STXBP5L: variants seen among roughly 807,000 people sequenced by gnomAD.
STXBP5L encodes the protein syntaxin-binding protein 5-like.
STXBP5L carries 65 observed loss-of-function variants against 144.5 expected under a neutral mutation model. The ratio of observed to expected loss-of-function variants is 0.45; its 90% confidence interval spans 0.37 to 0.55. The LOEUF (loss-of-function observed/expected upper bound fraction) is 0.55. STXBP5L is among the 20% of genes least tolerant of loss of function. STXBP5L has a pLI of 0.00. For missense variants in STXBP5L, 1,298 were observed against 1,405.5 expected (o/e 0.92, Z 1.22); for synonymous variants, 505 against 469.6 (o/e 1.08, Z -0.97).
intron 19 of STXBP5L, among the ~76,000 whole-genome samples, chr3:121,295,875 A>G (rs2051630854): frequency 6.6e-6 from 1 of 152,214 alleles, no homozygotes; most frequent in African/African-American, 2.4e-5. Flanking sequence ...TGTAGACTAT[A>G]TGGATGGAAA....
At chr3:121,046,530 T>C (rs1947527054) in intron 5 of STXBP5L, among the ~76,000 whole-genome samples, 1 of 152,122 alleles carries the variant, frequency 6.6e-6, no homozygotes, top group Non-Finnish European at 1.5e-5. Flanking sequence ...ACTGATTTAA[T>C]TTTGGAACTC....
intron 2 of STXBP5L, among the ~76,000 whole-genome samples, chr3:120,938,841 C>A (rs978455248): frequency 2.0e-5 from 3 of 151,984 alleles, no homozygotes; most frequent in African/African-American, 4.8e-5. Flanking sequence ...AGTGCAATGG[C>A]AAAATCATAG....
intron 18 of STXBP5L, among the ~76,000 whole-genome samples, chr3:121,269,140 A>G (rs1283445510): frequency 6.6e-6 from 1 of 152,050 alleles, no homozygotes; most frequent in Non-Finnish European, 1.5e-5. Context: ...TTAAGGGGGG[A>G]AAAAAGCATA....
At chr3:121,352,225 T>G (rs995321967) in intron 20 of STXBP5L, among the ~76,000 whole-genome samples, 1 of 152,116 alleles carries the variant, frequency 6.6e-6, no homozygotes, top group African/African-American at 2.4e-5. Flanking sequence ...GTGAAGAAAG[T>G]CATTGGTAGC....
At chr3:121,293,547 A>T (rs527883147) in intron 19 of STXBP5L, among the ~76,000 whole-genome samples, 1 of 152,356 alleles carries the variant, frequency 6.6e-6, no homozygotes, top group Admixed American at 6.5e-5. Context: ...GCACATTCCA[A>T]GCAGAGTGAA....
chr3:120,960,801 C>T (rs368764363), intron 3 of STXBP5L, among the ~76,000 whole-genome samples: 3 of 151,900 alleles, frequency 2.0e-5, no homozygotes, highest in Admixed American at 1.3e-4. Flanking sequence ...AGGAGATATA[C>T]GTAATGTAAA....
At chr3:120,952,488 A>G (rs1711327379) in intron 2 of STXBP5L, among the ~76,000 whole-genome samples, 1 of 152,024 alleles carries the variant, frequency 6.6e-6, no homozygotes, top group Non-Finnish European at 1.5e-5. Context: ...GTTAGTATGC[A>G]GGAATACAAT....
intron 7 of STXBP5L, among the ~76,000 whole-genome samples, chr3:121,125,189 T>C (rs2044649162): frequency 6.6e-6 from 1 of 151,926 alleles, no homozygotes; most frequent in Non-Finnish European, 1.5e-5. Flanking sequence ...GATAATATGG[T>C]TGGGCGCAGT....
chr3:121,113,037 A>G (rs1010730973), intron 5 of STXBP5L, among the ~76,000 whole-genome samples: 4 of 152,150 alleles, frequency 2.6e-5, no homozygotes, highest in African/African-American at 9.7e-5. Flanking sequence ...TTGGACATTG[A>G]ATATAAGGTG....
chr3:121,372,543 T>C (rs979643750), intron 20 of STXBP5L, among the ~76,000 whole-genome samples: 1 of 152,170 alleles, frequency 6.6e-6, no homozygotes, highest in African/African-American at 2.4e-5. Context: ...CGATAGCAGG[T>C]TCCTTCTTGA....
At chr3:121,130,560 G>A (rs2044936794) in intron 7 of STXBP5L, among the ~76,000 whole-genome samples, 1 of 152,100 alleles carries the variant, frequency 6.6e-6, no homozygotes, top group African/African-American at 2.4e-5. Flanking sequence ...GAGGAAAGAA[G>A]TTATGCCTGC....
At chr3:121,302,790 C>G (rs1201430476) in intron 19 of STXBP5L, among the ~76,000 whole-genome samples, 1 of 152,142 alleles carries the variant, frequency 6.6e-6, no homozygotes, top group African/African-American at 2.4e-5. Context: ...AAAGGATTCC[C>G]TATTTAATAA....
At chr3:121,223,585 C>T (rs1271795223) in intron 11 of STXBP5L, among the ~76,000 whole-genome samples, 1 of 152,146 alleles carries the variant, frequency 6.6e-6, no homozygotes, top group Non-Finnish European at 1.5e-5. Flanking sequence ...TCACATCTGG[C>T]TTTGCTTCAG....
intron 6 of STXBP5L, among the ~76,000 whole-genome samples, chr3:121,118,838 T>C (rs1288011521): frequency 2.6e-5 from 4 of 151,750 alleles, no homozygotes; most frequent in Admixed American, 2.6e-4. Context: ...TGCCATTTAG[T>C]GAAAGTGCAA....
intron 5 of STXBP5L, among the ~76,000 whole-genome samples, chr3:121,082,751 C>T (rs2107698605): frequency 6.6e-6 from 1 of 152,288 alleles, no homozygotes; most frequent in Non-Finnish European, 1.5e-5. Context: ...AATACTATTT[C>T]TGCATCAACT....
intron 10 of STXBP5L, among the ~76,000 whole-genome samples, chr3:121,210,641 C>G (rs2108252282): frequency 6.6e-6 from 1 of 152,258 alleles, no homozygotes; most frequent in South Asian, 2.1e-4. Flanking sequence ...TTTCAGGTTT[C>G]TACATATGGC....
rs192474678 is a variant in STXBP5L, at chr3:121,311,839, C to A, written c.2111-6636C>A. ...ACTTTCTTCACAGAATTGGAAAAAA[C>A]TACTTTAAAGTTCATATGGAACCAA... On this transcript the variant is annotated intron_variant, in intron 19 of 26. Coordinates refer to ENST00000471454, the MANE Select transcript of STXBP5L (RefSeq NM_001308330.2). 1.1e-3 allele frequency among the ~76,000 whole-genome samples: 170 copies of A among 152,136 alleles called. 1 individual carries two copies. The East Asian group carries it at 0.03, about 27-fold the overall frequency.
intron 5 of STXBP5L, among the ~76,000 whole-genome samples, chr3:121,085,732 A>G (rs2042458473): frequency 1.3e-5 from 2 of 152,242 alleles, no homozygotes; most frequent in South Asian, 4.1e-4. Flanking sequence ...CAATATTATG[A>G]AAATGGCCAT....
chr3:121,372,416 C>T (rs758433795), intron 20 of STXBP5L, among the ~76,000 whole-genome samples: 16 of 152,152 alleles, frequency 1.1e-4, no homozygotes, highest in East Asian at 9.6e-4. Flanking sequence ...ACCCTCTGGG[C>T]GCTAGCTGGA....
Sources: allele counts gnomAD v4.1 joint callset (sites outside exome capture counted in the v4.1 genomes callset), GRCh38; gene constraint gnomAD v4.1.1; transcripts MANE v1.5; gene names NCBI Gene and HGNC (gene_info 2026-07-23, HGNC 2026-07-21).